The following HOXD3 variants were observed in gnomAD, a reference collection of about 807,000 sequenced individuals.
HOXD3 encodes homeobox D3.
A neutral mutation model predicts 32.8 loss-of-function variants in HOXD3; 13 were observed. The ratio of observed to expected loss-of-function variants is 0.40; its 90% CI spans 0.26 to 0.63. The LOEUF (loss-of-function observed/expected upper bound fraction) is 0.63. HOXD3 is among the 20% of genes least tolerant of loss of function. HOXD3 has a pLI of 0.44. For missense variants in HOXD3, 504 were observed against 577.1 expected, an observed-to-expected ratio of 0.87 and a Z score of 1.30; for synonymous variants, 241 against 246.8, an observed-to-expected ratio of 0.98 and a Z score of 0.22.
intron 3 of HOXD3, among the ~76,000 whole-genome samples, chr2:176,170,803 A>G (rs567449698): frequency 7.9e-5 from 12 of 152,108 alleles, no homozygotes; most frequent in Admixed American, 2.6e-4. Context: ...GTGGCAGGGT[A>G]GTAAAAGCCA....
intron 1 of HOXD3, among the ~76,000 whole-genome samples, chr2:176,163,055 G>A (rs1219805138): frequency 6.6e-6 from 1 of 152,084 alleles, no homozygotes; most frequent in Admixed American, 6.5e-5. Flanking sequence ...TTTCCCCCTG[G>A]GTCCAGGCCG....
In HOXD3 at chr2:176,158,616, T is replaced by G. The variant is rs372415568; in HGVS notation, c.-181+1164T>G. On this transcript the variant is annotated intron_variant, in intron 1 of 3. Transcript: ENST00000683222. ...TGTGTGTGTGTGTGTTTTCATTTAT[T>G]TTTTGGTGTGTGTATATTTCCCCGT... Among the ~76,000 whole-genome samples the G allele has an allele frequency of 5.3e-5, 8 of 152,276 alleles. No homozygotes were observed. In the East Asian group the frequency reaches 1.2e-3, roughly 22 times the overall value.
At chr2:176,158,363 G>A (rs1690694638) in intron 1 of HOXD3, among the ~76,000 whole-genome samples, 1 of 152,182 alleles carries the variant, frequency 6.6e-6, no homozygotes, top group African/African-American at 2.4e-5. Context: ...GGTGTCCTAA[G>A]AGCCACTCCG....
chr2:176,169,073 A>C lies in HOXD3; in HGVS notation c.-42A>C, dbSNP rs759813778. 3.6e-5 allele frequency: 56 copies of C among 1,558,202 alleles called. No individual in the cohort carries two copies. The highest frequency in any genetic ancestry group is 4.7e-5 in the Non-Finnish European group (54 of 1,150,346). On this transcript the variant is annotated 5_prime_UTR_variant, in exon 3 of 4. Coordinates refer to ENST00000683222, the MANE Select transcript of HOXD3 (RefSeq NM_006898.5). ...GGCCGGCCCAGCTCTCTCAGGATTC[A>C]GCAGACATTGGAGGTGGCAGTGAAG... is the stretch of plus-strand genomic sequence containing the variant.
intron 3 of HOXD3, 38 bp downstream of exon 3, chr2:176,169,693 C>T (rs756356611): frequency 5.2e-5 from 80 of 1,537,718 alleles, no homozygotes; most frequent in Non-Finnish European, 6.6e-5. Flanking sequence ...GACCAAGCCC[C>T]CTCCAGATTG....
chr2:176,157,042 C>T (rs944623001), upstream of HOXD3, among the ~76,000 whole-genome samples: 1 of 152,122 alleles, frequency 6.6e-6, no homozygotes, highest in Non-Finnish European at 1.5e-5. Context: ...GGAAGCGAGT[C>T]CATAGCAGAG....
upstream of HOXD3, chr2:176,153,219 GA>G (rs1312862624): frequency 4.2e-6 from 2 of 472,962 alleles, no homozygotes; most frequent in Non-Finnish European, 7.6e-6. Context: ...TTAAACTTAT[GA>G]AAATCACCGC....
intron 3 of HOXD3, 46 bp from the exon 4 acceptor site, chr2:176,171,471 C>G: frequency 6.6e-7 from 1 of 1,524,152 alleles, no homozygotes; most frequent in Non-Finnish European, 8.8e-7. Context: ...TCCTGAGGGT[C>G]CCCACCCACT....
In HOXD3 at chr2:176,169,229, G is replaced by A; in HGVS notation, c.115G>A (p.Asp39Asn). 1 of 1,614,060 alleles carries A rather than the reference G, an allele frequency of 6.2e-7. No individual in the cohort carries two copies. Among genetic ancestry groups the A allele is most frequent in the Non-Finnish European group, 8.5e-7 (1 of 1,180,004 alleles). ...FGGYGYSKTT[D>N]TYGYSTPHQP... ...AGGCTATGGCTACAGCAAAACTACGGACACTTACGGCTACAGCACCCCCCA... is the reference window on the plus strand; with the variant it reads ...AGGCTATGGCTACAGCAAAACTACGAACACTTACGGCTACAGCACCCCCCA... Residue 39 changes from aspartate to asparagine, a missense_variant, in exon 3 of 4, where the codon GAC (aspartate) becomes AAC (asparagine). This residue lies in a region of HOXD3 where 181 missense variants were observed against 172.2 expected (regional missense o/e 1.05). Coordinates refer to ENST00000683222, the MANE Select transcript of HOXD3 (RefSeq NM_006898.5).
chr2:176,169,769 A>G, intron 3 of HOXD3, 114 bp downstream of exon 3: 1 of 1,289,156 alleles, frequency 7.8e-7, no homozygotes. Flanking sequence ...ACTCCTACTC[A>G]CGTCAAAATG....
At chr2:176,158,660 TC>T (rs1439952886) in intron 1 of HOXD3, among the ~76,000 whole-genome samples, 2 of 152,154 alleles carry the variant, frequency 1.3e-5, no homozygotes, top group Admixed American at 6.5e-5. Context: ...AAACAAAGTT[TC>T]CCCCATTATG....
chr2:176,168,261 C>A (rs867856800), intron 2 of HOXD3, among the ~76,000 whole-genome samples: 1,171 of 102,910 alleles, frequency 0.011, no homozygotes, highest in Non-Finnish European at 0.015. Context: ...CCTGTCTCTA[C>A]AAAAAAAAAA....
At position 176,169,289 on chromosome 2, in the gene HOXD3, C is replaced by T; in HGVS notation, c.175C>T (p.Leu59=). Residue 59 remains leucine, a synonymous_variant, in exon 3 of 4, where the codon CTG becomes TTG. Coordinates refer to ENST00000683222, the MANE Select transcript of HOXD3 (RefSeq NM_006898.5). The part of the protein sequence containing the change: ...PYPPPAAASS[L]DTDYPGSACS... ...CCCACCCCCTGCTGCTGCCAGCTCCCTGGACACTGACTATCCAGGTTCTGC... is the reference window on the plus strand; with the variant it reads ...CCCACCCCCTGCTGCTGCCAGCTCCTTGGACACTGACTATCCAGGTTCTGC... 1 of 1,614,164 alleles carries T rather than the reference C, an allele frequency of 6.2e-7. No individual in the cohort carries two copies. The highest frequency in any genetic ancestry group is 8.5e-7 in the Non-Finnish European group (1 of 1,180,042).
chr2:176,163,646 T>G (rs1378010270), intron 1 of HOXD3, among the ~76,000 whole-genome samples: 2 of 152,174 alleles, frequency 1.3e-5, no homozygotes, highest in Non-Finnish European at 2.9e-5. Context: ...CTGGTGCCCT[T>G]TTCTGCAGCC....
At chr2:176,157,936 T>A (rs565280258) in intron 1 of HOXD3, among the ~76,000 whole-genome samples, 1 of 152,290 alleles carries the variant, frequency 6.6e-6, no homozygotes, top group East Asian at 1.9e-4. Flanking sequence ...CTTAAACCGG[T>A]GAGAAAAGGC....
intron 1 of HOXD3, among the ~76,000 whole-genome samples, chr2:176,158,912 C>T (rs997901376): frequency 6.6e-6 from 1 of 151,622 alleles, no homozygotes; most frequent in Non-Finnish European, 1.5e-5. Flanking sequence ...TGCTGGCAGC[C>T]CGGCAGCCAA....
upstream of HOXD3, among the ~76,000 whole-genome samples, chr2:176,157,262 C>T (rs1690667944): frequency 6.6e-6 from 1 of 152,142 alleles, no homozygotes; most frequent in African/African-American, 2.4e-5. Context: ...GTCCCGACCA[C>T]GTGATTGGCG....
upstream of HOXD3, chr2:176,152,961 C>G: frequency 6.2e-7 from 1 of 1,610,164 alleles, no homozygotes; most frequent in Non-Finnish European, 8.5e-7. The surrounding 1 kb of genome is among the most constrained non-coding windows in gnomAD (Gnocchi z 5.2). Context: ...ACCCTGGGCC[C>G]ATCTCTCCCT....
rs115329835 is a variant in HOXD3 at position 176,158,070 on chromosome 2, C to T, written c.-181+618C>T. Reference sequence around the variant, plus strand: ...CAACAGATAATGATTTCCGAGTTGCCTCTCCCCCCGCTCCTCTCTCCCCAC... The same window carrying T: ...CAACAGATAATGATTTCCGAGTTGCTTCTCCCCCCGCTCCTCTCTCCCCAC... On this transcript the variant is annotated intron_variant, in intron 1 of 3. Coordinates refer to ENST00000683222, the MANE Select transcript of HOXD3 (RefSeq NM_006898.5). Among the ~76,000 whole-genome samples the T allele has an allele frequency of 6.5e-3, 991 of 152,342 alleles. 14 individuals carry two copies. Among genetic ancestry groups the T allele is most frequent in the African/African-American group, 0.023 (956 of 41,570 alleles).
Sources: allele counts gnomAD v4.1 joint callset (sites outside exome capture counted in the v4.1 genomes callset), GRCh38; gene constraint gnomAD v4.1.1; regional missense constraint gnomAD v4.1.1; non-coding constraint Gnocchi (gnomAD v3.1); transcripts MANE v1.5; gene names NCBI Gene and HGNC (gene_info 2026-07-23, HGNC 2026-07-21).